ACOT12: variants seen among roughly 807,000 people sequenced by gnomAD.
The protein encoded by ACOT12 is acetyl-coenzyme A thioesterase.
Under a neutral mutation model 67.7 loss-of-function variants are expected in ACOT12, and 51 were observed. That is an observed-to-expected ratio of 0.75 (90% CI 0.60 to 0.95). The LOEUF is 0.95. Ranked by LOEUF, ACOT12 falls within the 40% of genes least tolerant of loss-of-function variation. The pLI is 0.00. For synonymous variants in ACOT12, 251 were observed against 244.6 expected (o/e 1.03, Z -0.24); for missense variants, 734 against 708.1 (o/e 1.04, Z -0.41).
Position 81,347,943 on chromosome 5 carries a change from T to C in ACOT12, c.497-13A>G. On this transcript the variant is annotated splice_polypyrimidine_tract_variant and intron_variant, in intron 5 of 14. Transcript: ENST00000307624. ...TCAAAAATGAGATCTGAAAGGTGGA[T>C]GTAAACATTAATGATGGTGGAGTGA... The C allele has an allele frequency of 6.2e-7, 1 of 1,611,908 alleles. No individual in the cohort carries two copies. The highest frequency in any genetic ancestry group is 8.5e-7 in the Non-Finnish European group (1 of 1,178,900).
chr5:81,378,805 A>G (rs1043152245), intron 2 of ACOT12, among the ~76,000 whole-genome samples: 1 of 152,236 alleles, frequency 6.6e-6, no homozygotes, highest in Non-Finnish European at 1.5e-5. Context: ...GCCAGTTACA[A>G]TGACAATCAT....
In ACOT12 at chr5:81,330,048, T is replaced by C. The variant is rs918441957; in HGVS notation, c.*346A>G. ...TTTTTTTTTGGAATTTCACACAGAA[T>C]GCATGTTTCACCTCTGTAACCTAAA... is the stretch of plus-strand genomic sequence containing the variant. On this transcript the variant is annotated 3_prime_UTR_variant, in exon 15 of 15. Coordinates refer to ENST00000307624, the MANE Select transcript of ACOT12 (RefSeq NM_130767.3). 3.0e-5 allele frequency: 5 copies of C among 165,608 alleles called. No homozygotes were observed. Among genetic ancestry groups the C allele is most frequent in the Non-Finnish European group, 6.5e-5 (5 of 77,020 alleles). 10.3% of individuals were successfully genotyped at this position (165,608 alleles called of 1,614,324 possible).
At chr5:81,353,371 C>A (rs981513409) in intron 5 of ACOT12, among the ~76,000 whole-genome samples, 1 of 152,190 alleles carries the variant, frequency 6.6e-6, no homozygotes, top group African/African-American at 2.4e-5. Flanking sequence ...ACAGAACTCA[C>A]CCTTTCTGCT....
intron 3 of ACOT12, among the ~76,000 whole-genome samples, chr5:81,366,876 G>T (rs1760096820): frequency 6.6e-6 from 1 of 151,980 alleles, no homozygotes; most frequent in Non-Finnish European, 1.5e-5. Flanking sequence ...ACTGAAAGAA[G>T]AAAAACGAAC....
At chr5:81,377,442 C>T (rs1030014601) in intron 2 of ACOT12, among the ~76,000 whole-genome samples, 1 of 152,136 alleles carries the variant, frequency 6.6e-6, no homozygotes, top group East Asian at 1.9e-4. Context: ...GACAAGGATG[C>T]GCTCTCTCAC....
chr5:81,344,875 T>C lies in ACOT12; in HGVS notation c.924+16A>G. The C allele has an allele frequency of 1.2e-6, 2 of 1,613,844 alleles. No homozygotes were observed. Among genetic ancestry groups the C allele is most frequent in the Non-Finnish European group, 1.7e-6 (2 of 1,179,768 alleles). ...TCACAGGTCCGGCTATTGAACCTCG[T>C]GTGATAATAACTGACCTTTGAAATG... is the stretch of plus-strand genomic sequence containing the variant. On this transcript the variant is annotated intron_variant, in intron 8 of 14. Coordinates refer to ENST00000307624, the MANE Select transcript of ACOT12 (RefSeq NM_130767.3).
downstream of ACOT12, among the ~76,000 whole-genome samples, chr5:81,326,817 A>G (rs904562038): frequency 3.3e-5 from 5 of 152,216 alleles, no homozygotes; most frequent in Admixed American, 3.3e-4. Flanking sequence ...ATTGGTAGAC[A>G]GATTAGTCCT....
Position 81,385,791 on chromosome 5 carries a change from A to G in ACOT12, c.163T>C (p.Ser55Pro), listed in dbSNP as rs1487958643. The G allele has an allele frequency of 6.2e-7, 1 of 1,614,002 alleles. No homozygotes were observed. The highest frequency in any genetic ancestry group is 8.5e-7 in the Non-Finnish European group (1 of 1,180,026). ...KHAGVSCVTA[S>P]VDDIQFEETA... ...TCCTCAAACTGTATGTCATCCACTG[A>G]GGCTGTAACGCAGGAAACTCCAGCA... is the stretch of plus-strand genomic sequence containing the variant. The change falls in exon 2 of 15, where the codon TCA becomes CCA. Residue 55 changes from serine (S) to proline (P), a missense_variant. Transcript: ENST00000307624.
chr5:81,363,541 G>T (rs1266901726), intron 4 of ACOT12, among the ~76,000 whole-genome samples: 2 of 152,038 alleles, frequency 1.3e-5, no homozygotes, highest in African/African-American at 4.8e-5. Context: ...AAACAATGTG[G>T]ATTTTTTTTT....
intron 1 of ACOT12, among the ~76,000 whole-genome samples, chr5:81,388,074 C>T (rs1252007745): frequency 6.6e-6 from 1 of 152,052 alleles, no homozygotes; most frequent in Non-Finnish European, 1.5e-5. Flanking sequence ...GAAGTTGGTA[C>T]TATTATTAGC....
intron 5 of ACOT12, among the ~76,000 whole-genome samples, chr5:81,348,570 C>T (rs1237646023): frequency 6.6e-6 from 1 of 151,992 alleles, no homozygotes; most frequent in Non-Finnish European, 1.5e-5. Context: ...TGTCCTTCTG[C>T]TCTCTCTTTT....
chr5:81,363,920 T>C (rs1759996642), intron 3 of ACOT12, 31 bp from the exon 4 acceptor site: 1 of 1,466,830 alleles, frequency 6.8e-7, no homozygotes, highest in Non-Finnish European at 9.1e-7. Context: ...ATAAATACAC[T>C]CTTGGCCAGT....
the ACOT12 span, among the ~76,000 whole-genome samples, chr5:81,313,672 A>G: frequency 6.6e-6 from 1 of 152,220 alleles, no homozygotes; most frequent in South Asian, 2.1e-4. Flanking sequence ...ATTTTACCTG[A>G]TTGAATCCAT....
intron 5 of ACOT12, among the ~76,000 whole-genome samples, chr5:81,354,601 A>C (rs1338000699): frequency 6.6e-6 from 1 of 152,220 alleles, no homozygotes; most frequent in Non-Finnish European, 1.5e-5. Context: ...CAAGATAAAA[A>C]CATGACAACA....
At chr5:81,362,467 A>G (rs1759944816) in intron 4 of ACOT12, among the ~76,000 whole-genome samples, 1 of 152,086 alleles carries the variant, frequency 6.6e-6, no homozygotes, top group Non-Finnish European at 1.5e-5. Context: ...TGCTCGGCCG[A>G]CTATTATATT....
In ACOT12 at chr5:81,363,833, A is replaced by G. The variant is rs1759992604; in HGVS notation, c.315T>C (p.Ser105=). 1 of 1,612,498 alleles carries G rather than the reference A, an allele frequency of 6.2e-7. No homozygotes were observed. Among genetic ancestry groups the G allele is most frequent in the Non-Finnish European group, 8.5e-7 (1 of 1,179,396 alleles). The change falls in exon 4 of 15, where the codon AGT becomes AGC. Residue 105 remains serine (S), a synonymous_variant. Coordinates refer to ENST00000307624, the MANE Select transcript of ACOT12 (RefSeq NM_130767.3). Reference sequence around the variant, plus strand: ...TGGCTACAAATGTGGAGAAAGCCACACTAACAAGCTTCTCAATGCCAGTGA... The same window carrying G: ...TGGCTACAAATGTGGAGAAAGCCACGCTAACAAGCTTCTCAATGCCAGTGA... ...DMLTGIEKLV[S]VAFSTFVAKP...
chr5:81,362,461 C>T lies in ACOT12; in HGVS notation c.360+1327G>A, dbSNP rs1033421421. 4.6e-5 allele frequency among the ~76,000 whole-genome samples: 7 copies of T among 152,140 alleles called. No homozygotes were observed. In the South Asian group the frequency reaches 1.2e-3, roughly 27 times the overall value. On this transcript the variant is annotated intron_variant, in intron 4 of 14. Transcript: ENST00000307624. ...GATTACAGGCATGAGCCACCATGCT[C>T]GGCCGACTATTATATTCTTATTCCA... is the stretch of plus-strand genomic sequence containing the variant.
the ACOT12 span, among the ~76,000 whole-genome samples, chr5:81,321,434 G>C: frequency 7.2e-5 from 11 of 152,114 alleles, no homozygotes; most frequent in Admixed American, 7.2e-4. Context: ...TGGGGGTTAG[G>C]ATTTCAACAT....
intron 4 of ACOT12, among the ~76,000 whole-genome samples, chr5:81,361,030 A>G (rs1283568531): frequency 6.9e-6 from 1 of 145,942 alleles, no homozygotes; most frequent in Non-Finnish European, 1.5e-5. Flanking sequence ...GTGAGCCAAG[A>G]TCATGCCACT....
Sources: gnomAD v4.1 joint callset for allele counts (sites outside exome capture counted in the v4.1 genomes callset) on GRCh38, gnomAD v4.1.1 for gene constraint, MANE v1.5 for transcripts, NCBI Gene and HGNC (gene_info 2026-07-23, HGNC 2026-07-21) for gene names.